RABGAP1L: variants seen among roughly 807,000 people sequenced by gnomAD.
RABGAP1L encodes the protein RAB GTPase activating protein 1 like.
In RABGAP1L, 63 loss-of-function variants were observed where a neutral mutation model predicts 137.7. The ratio of observed to expected loss-of-function variants is 0.46; its 90% CI spans 0.37 to 0.56. The LOEUF is 0.56. Among genes scored for constraint, RABGAP1L ranks in the 20% least tolerant of loss-of-function variants. RABGAP1L has a pLI of 0.00. For missense variants in RABGAP1L, 1,095 were observed against 1,244.0 expected, an observed-to-expected ratio of 0.88 and a Z score of 1.80; for synonymous variants, 431 against 433.7, an observed-to-expected ratio of 0.99 and a Z score of 0.08.
chr1:174,429,662 C>T (rs1308509341), intron 13 of RABGAP1L, among the ~76,000 whole-genome samples: 1 of 151,930 alleles, frequency 6.6e-6, no homozygotes, highest in Non-Finnish European at 1.5e-5. Context: ...TCGCCTCAAC[C>T]CGGGAGGCGG....
chr1:174,189,106 C>T (rs536545873), intron 1 of RABGAP1L, among the ~76,000 whole-genome samples: 26 of 152,188 alleles, frequency 1.7e-4, no homozygotes, highest in African/African-American at 5.1e-4. Flanking sequence ...CCTGGGTTCA[C>T]GCCATTCTCC....
At chr1:174,233,927 G>C (rs1670916422) in intron 4 of RABGAP1L, among the ~76,000 whole-genome samples, 1 of 124,842 alleles carries the variant, frequency 8.0e-6, no homozygotes, top group Non-Finnish European at 1.6e-5. Context: ...TCCAGCACCT[G>C]TTGTTTCCTG....
intron 18 of RABGAP1L, among the ~76,000 whole-genome samples, chr1:174,755,142 A>C (rs1043994077): frequency 6.6e-6 from 1 of 152,212 alleles, no homozygotes; most frequent in Non-Finnish European, 1.5e-5. Context: ...GGATAGATAT[A>C]GGATGAATTC....
chr1:174,798,722 C>G (rs183263134), intron 18 of RABGAP1L, among the ~76,000 whole-genome samples: 63 of 152,256 alleles, frequency 4.1e-4, no homozygotes, highest in African/African-American at 1.5e-3. Context: ...CTAAGACTCA[C>G]AAAATACATG....
chr1:174,851,856 T>C (rs1369360803), intron 19 of RABGAP1L, among the ~76,000 whole-genome samples: 1 of 152,072 alleles, frequency 6.6e-6, no homozygotes, highest in South Asian at 2.1e-4. Flanking sequence ...ACTCCTACCT[T>C]TCTAAAAATT....
chr1:174,452,965 G>A lies in RABGAP1L; in HGVS notation c.1710+58820G>A, dbSNP rs556791273. On this transcript the variant is annotated intron_variant, in intron 13 of 25. Coordinates refer to ENST00000681986, the MANE Select transcript of RABGAP1L (RefSeq NM_001366446.1). ...CAGGAATAAACCATTGAGCATTAGGGTTTTCTAAGATAGCATTTCTTTTTG... is the reference window on the plus strand; with the variant it reads ...CAGGAATAAACCATTGAGCATTAGGATTTTCTAAGATAGCATTTCTTTTTG... Among the ~76,000 whole-genome samples, 87 of 152,168 alleles carry A rather than the reference G, an allele frequency of 5.7e-4. 1 individual carries two copies. The Middle Eastern group carries it at 0.014, about 24-fold the overall frequency.
At chr1:174,833,360 C>G (rs1178083122) in intron 19 of RABGAP1L, among the ~76,000 whole-genome samples, 1 of 134,890 alleles carries the variant, frequency 7.4e-6, no homozygotes, top group Non-Finnish European at 1.6e-5. Context: ...CCACCACAAC[C>G]AGCTAATTTG....
At chr1:174,436,573 A>G (rs915950125) in intron 13 of RABGAP1L, among the ~76,000 whole-genome samples, 1 of 152,176 alleles carries the variant, frequency 6.6e-6, no homozygotes, top group Non-Finnish European at 1.5e-5. Flanking sequence ...TCAGATGAGT[A>G]GGCTGCAAAA....
intron 19 of RABGAP1L, among the ~76,000 whole-genome samples, chr1:174,931,990 G>GTTTTTTTTTTTTTTTTT (rs532860564): frequency 2.9e-5 from 2 of 69,648 alleles, no homozygotes; most frequent in Non-Finnish European, 5.4e-5. Flanking sequence ...TGCTTTTTTG[G>GTTTTTTTTTTTTTTTTT]TTTTTTTTTT....
At chr1:174,461,517 T>C (rs1656690007) in intron 13 of RABGAP1L, among the ~76,000 whole-genome samples, 2 of 152,222 alleles carry the variant, frequency 1.3e-5, no homozygotes, top group Admixed American at 1.3e-4. Context: ...GTGCTTTGTA[T>C]ATAGTGGCTA....
intron 1 of RABGAP1L, among the ~76,000 whole-genome samples, chr1:174,205,633 T>A (rs1668457344): frequency 6.6e-6 from 1 of 152,084 alleles, no homozygotes; most frequent in African/African-American, 2.4e-5. Context: ...GTGGTAACAT[T>A]TCCTTTGTTA....
chr1:174,830,280 CA>C (rs534672814), intron 19 of RABGAP1L, among the ~76,000 whole-genome samples: 3,532 of 132,996 alleles, frequency 0.027, 350 homozygotes, highest in Middle Eastern at 0.099. Flanking sequence ...TGTTTCAGTA[CA>C]AAAAAAAAAA....
chr1:174,490,822 C>G (rs927291617), intron 13 of RABGAP1L, among the ~76,000 whole-genome samples: 1 of 152,052 alleles, frequency 6.6e-6, no homozygotes. Context: ...TTTCCACAAG[C>G]AGAGGAGCCT....
chr1:174,395,714 G>T (rs1025540298), intron 13 of RABGAP1L, among the ~76,000 whole-genome samples: 1 of 151,952 alleles, frequency 6.6e-6, no homozygotes, highest in African/African-American at 2.4e-5. Context: ...AGCTGGTGTG[G>T]TGGCATATGC....
At chr1:174,422,348 A>G (rs1308043547) in intron 13 of RABGAP1L, among the ~76,000 whole-genome samples, 9 of 152,042 alleles carry the variant, frequency 5.9e-5, no homozygotes. Flanking sequence ...CCTGTGCTAG[A>G]TAATAAGGAT....
At chr1:174,313,496 C>T (rs1367939777) in intron 11 of RABGAP1L, among the ~76,000 whole-genome samples, 2 of 152,106 alleles carry the variant, frequency 1.3e-5, no homozygotes, top group Admixed American at 1.3e-4. Context: ...ACTTGCAGTA[C>T]TGTGTTGATT....
intron 11 of RABGAP1L, among the ~76,000 whole-genome samples, chr1:174,338,107 A>G (rs1681641842): frequency 6.6e-6 from 1 of 152,164 alleles, no homozygotes; most frequent in Non-Finnish European, 1.5e-5. Context: ...TGGTATTTCA[A>G]AAAACAATTT....
At chr1:174,225,314 C>T (rs1030355612) in intron 3 of RABGAP1L, among the ~76,000 whole-genome samples, 1 of 151,668 alleles carries the variant, frequency 6.6e-6, no homozygotes, top group East Asian at 1.9e-4. Flanking sequence ...GGTGTTTTCA[C>T]GTTTATTTTA....
At chr1:174,963,897 A>G (rs1669389235) in intron 20 of RABGAP1L, among the ~76,000 whole-genome samples, 2 of 152,146 alleles carry the variant, frequency 1.3e-5, no homozygotes. Context: ...ATAACCTAAG[A>G]TAGTTTTTTA....
Sources: gnomAD v4.1 joint callset for allele counts (sites outside exome capture counted in the v4.1 genomes callset) on GRCh38, gnomAD v4.1.1 for gene constraint, MANE v1.5 for transcripts, NCBI Gene and HGNC (gene_info 2026-07-23, HGNC 2026-07-21) for gene names.